Variants in SPINK14 observed in about 807,000 individuals in gnomAD.
The protein encoded by SPINK14 is serine peptidase inhibitor Kazal type 14 (putative).
A neutral mutation model predicts 14.2 loss-of-function variants in SPINK14; 6 were observed. The observed-to-expected ratio is 0.42, with a 90% CI of 0.23 to 0.83. The LOEUF is 0.83. Ranked by LOEUF, SPINK14 falls within the 40% of genes least tolerant of loss-of-function variation. The probability of loss-of-function intolerance (pLI) is 0.28; values close to 1 mark genes in which losing one functional copy is unlikely to be tolerated. For missense variants in SPINK14, 86 were observed against 108.3 expected (o/e 0.79, Z 0.91); for synonymous variants, 34 against 36.8 (o/e 0.92, Z 0.27).
At chr5:148,171,769 G>T (rs6872358) in intron 3 of SPINK14, among the ~76,000 whole-genome samples, 5,194 of 152,116 alleles carry the variant, frequency 0.034, 322 homozygotes, top group African/African-American at 0.12. Context: ...GAGACCCGGG[G>T]ACCAGAATGT....
At chr5:148,169,616 C>T in intron 1 of SPINK14, 45 bp from the exon 2 acceptor site, 2 of 735,394 alleles carry the variant, frequency 2.7e-6, no homozygotes, top group Non-Finnish European at 4.5e-6. Flanking sequence ...AGAGATGGCT[C>T]TTCATTGTAA....
chr5:148,170,379 C>T (rs952453792), intron 2 of SPINK14, among the ~76,000 whole-genome samples: 2 of 151,948 alleles, frequency 1.3e-5, no homozygotes, highest in African/African-American at 4.8e-5. Flanking sequence ...CATGAGATCA[C>T]ATCTGGAAAA....
chr5:148,168,832 A>G (rs983535847), intron 1 of SPINK14, among the ~76,000 whole-genome samples: 1 of 152,176 alleles, frequency 6.6e-6, no homozygotes, highest in African/African-American at 2.4e-5. Context: ...TAATGTCTTA[A>G]GTAACACCTG....
chr5:148,170,197 T>C lies in SPINK14; in HGVS notation c.67+398T>C, dbSNP rs376292138. Among the ~76,000 whole-genome samples the C allele has an allele frequency of 3.6e-3, 316 of 88,930 alleles. 1 individual carries two copies. Among genetic ancestry groups the C allele is most frequent in the Middle Eastern group, 7.6e-3 (1 of 132 alleles). 58.3% of individuals were successfully genotyped at this position (88,930 alleles called of 152,430 possible). On this transcript the variant is annotated intron_variant, in intron 2 of 4. Transcript: ENST00000356972. ...ATACACACACACACACACACACACA[T>C]ACATATATATATATATAGAGAGAGA... is the stretch of plus-strand genomic sequence containing the variant.
At chr5:148,173,430 G>C (rs1191900408) in intron 3 of SPINK14, among the ~76,000 whole-genome samples, 10 of 152,006 alleles carry the variant, frequency 6.6e-5, no homozygotes, top group Admixed American at 1.3e-4. Context: ...ACAGTGTCAG[G>C]GCATTAGTCT....
At chr5:148,169,965 G>GTATATA (rs371403718) in intron 2 of SPINK14, among the ~76,000 whole-genome samples, 166 bp downstream of exon 2, 62,115 of 144,606 alleles carry the variant, frequency 0.43, 14,162 homozygotes, top group Middle Eastern at 0.56. Context: ...GTGTATATAT[G>GTATATA]TATATATATA....
At chr5:148,171,939 G>A (rs556212991) in intron 3 of SPINK14, among the ~76,000 whole-genome samples, 1 of 152,190 alleles carries the variant, frequency 6.6e-6, no homozygotes, top group Non-Finnish European at 1.5e-5. Context: ...AATAATAAAT[G>A]CGCTCACTTT....
Position 148,170,981 on chromosome 5 carries a change from T to C in SPINK14, c.111+8T>C, listed in dbSNP as rs368182130. 3 of 1,611,744 alleles carry C rather than the reference T, an allele frequency of 1.9e-6. No homozygotes were observed. The African/African-American group carries it at 4.0e-5, about 22-fold the overall frequency. On this transcript the variant is annotated splice_region_variant and intron_variant, in intron 3 of 4. Coordinates refer to ENST00000356972, the MANE Select transcript of SPINK14 (RefSeq NM_001001325.2). ...CCACGTGGAATTATTAAGGTAATGT[T>C]CCATTAAATTTCCCCCCAGGACTTA...
Position 148,175,343 on chromosome 5 carries a change from C to T in SPINK14, c.249-10C>T, listed in dbSNP as rs754949861. On this transcript the variant is annotated splice_polypyrimidine_tract_variant and intron_variant, in intron 4 of 4. Transcript: ENST00000356972. The stretch of plus-strand genomic sequence containing the variant: ...ACTAAATGAAATGTTTATTCTGATT[C>T]TTCCTTTAGGAAATCTCATGGAAGA... 1.9e-6 allele frequency: 3 copies of T among 1,564,494 alleles called. No individual in the cohort carries two copies. Among genetic ancestry groups the T allele is most frequent in the Admixed American group, 3.4e-5 (2 of 58,314 alleles).
intron 3 of SPINK14, among the ~76,000 whole-genome samples, chr5:148,171,333 GA>G (rs1755103096): frequency 6.6e-6 from 1 of 152,132 alleles, no homozygotes; most frequent in African/African-American, 2.4e-5. Flanking sequence ...TGACTTAAAA[GA>G]ATGCTCCTAA....
chr5:148,174,280 C>G lies in SPINK14; in HGVS notation c.158C>G (p.Thr53Arg), dbSNP rs189357431. 5 of 1,112,716 alleles carry G rather than the reference C, an allele frequency of 4.5e-6. 2 individuals carry two copies. In the South Asian group the frequency reaches 7.8e-5, roughly 17 times the overall value. The allele number at this position is 1,112,716 out of a possible 1,614,324, so 68.9% of individuals were successfully genotyped here. Residue 53 changes from threonine (T) to arginine (R), a missense_variant, in exon 4 of 5, where the codon ACG (threonine) becomes AGG (arginine). By Grantham distance (71) the Thr-to-Arg change is moderately conservative. Transcript: ENST00000356972. Reference protein sequence around the residue: ...EKVNLSWYNGTVNPCPGLYQP... With the variant: ...EKVNLSWYNGRVNPCPGLYQP... Reference sequence around the variant, plus strand: ...GTAAACTTGAGCTGGTACAATGGAACGGTCAACCCCTGCCCTGGCTTATAT... The same window carrying G: ...GTAAACTTGAGCTGGTACAATGGAAGGGTCAACCCCTGCCCTGGCTTATAT...
At chr5:148,169,841 T>C (rs200025569) in intron 2 of SPINK14, 42 bp downstream of exon 2, 12 of 1,535,258 alleles carry the variant, frequency 7.8e-6, no homozygotes, top group East Asian at 2.3e-5. Context: ...TGAAATTGAT[T>C]TGTGGGCTTT....
intron 2 of SPINK14, among the ~76,000 whole-genome samples, chr5:148,170,193 C>T (rs1434798242): frequency 4.1e-5 from 6 of 146,210 alleles, no homozygotes; most frequent in African/African-American, 1.6e-4. Context: ...CACACACACA[C>T]ACATACATAT....
chr5:148,171,896 A>G (rs1755109962), intron 3 of SPINK14, among the ~76,000 whole-genome samples: 2 of 152,130 alleles, frequency 1.3e-5, no homozygotes, highest in African/African-American at 2.4e-5. Flanking sequence ...TACCTGCAGG[A>G]TAAGTCTGCC....
At chr5:148,171,000 G>T (rs564479119) in intron 3 of SPINK14, 27 bp downstream of exon 3, 2 of 1,605,262 alleles carry the variant, frequency 1.2e-6, no homozygotes, top group Admixed American at 3.4e-5. Flanking sequence ...TTTCCCCCCA[G>T]GACTTACATT....
chr5:148,170,167 T>TAC lies in SPINK14; in HGVS notation c.67+369_67+370insCA, dbSNP rs1377265238. On this transcript the variant is annotated intron_variant, in intron 2 of 4. Transcript: ENST00000356972. ...TATACACATACTCAGAGTATATATATATATATACACACACACACACACACA... is the reference window on the plus strand; with the variant it reads ...TATACACATACTCAGAGTATATATATACATATATACACACACACACACACACA... Among the ~76,000 whole-genome samples, 381 of 99,238 alleles carry TAC rather than the reference T, an allele frequency of 3.8e-3. 6 individuals carry two copies. Among genetic ancestry groups the TAC allele is most frequent in the Admixed American group, 0.024 (240 of 9,976 alleles). 65.1% of individuals were successfully genotyped at this position (99,238 alleles called of 152,430 possible).
At chr5:148,170,044 T>C (rs1755080733) in intron 2 of SPINK14, among the ~76,000 whole-genome samples, 1 of 147,000 alleles carries the variant, frequency 6.8e-6, no homozygotes, top group African/African-American at 2.5e-5. Context: ...TTTTAGACTC[T>C]CTCTGTCTCT....
chr5:148,170,201 T>C (rs369150340), intron 2 of SPINK14, among the ~76,000 whole-genome samples: 34 of 94,246 alleles, frequency 3.6e-4, no homozygotes, highest in African/African-American at 1.6e-4. Context: ...CACACATACA[T>C]ATATATATAT....
chr5:148,169,266 G>A (rs1478817929), intron 1 of SPINK14, among the ~76,000 whole-genome samples: 2 of 152,114 alleles, frequency 1.3e-5, no homozygotes, highest in South Asian at 4.1e-4. Flanking sequence ...TGCTTGACGA[G>A]CAAGTACAGA....
Sources: gnomAD v4.1 joint callset for allele counts (sites outside exome capture counted in the v4.1 genomes callset) on GRCh38, gnomAD v4.1.1 for gene constraint, MANE v1.5 for transcripts, NCBI Gene and HGNC (gene_info 2026-07-23, HGNC 2026-07-21) for gene names.